LCMT1: variants seen among roughly 807,000 people sequenced by gnomAD.
LCMT1 encodes [Phosphatase 2A protein]-leucine-carboxy methyltransferase 1.
A neutral mutation model predicts 47.7 loss-of-function variants in LCMT1; 32 were observed. The ratio of observed to expected loss-of-function variants is 0.67; its 90% confidence interval spans 0.51 to 0.90. The LOEUF (loss-of-function observed/expected upper bound fraction) is 0.90. Ranked by LOEUF, LCMT1 falls within the 40% of genes least tolerant of loss-of-function variation. The pLI is 0.00. For synonymous variants in LCMT1, 152 were observed against 149.7 expected, an observed-to-expected ratio of 1.02 and a Z score of -0.11; for missense variants, 375 against 415.2, an observed-to-expected ratio of 0.90 and a Z score of 0.84.
intron 1 of LCMT1, among the ~76,000 whole-genome samples, chr16:25,118,798 C>CTAGG (rs1216806235): frequency 1.3e-5 from 2 of 151,884 alleles, no homozygotes; most frequent in African/African-American, 4.8e-5. Context: ...AGCACCAAGA[C>CTAGG]TAGGGTGAGG....
At chr16:25,115,838 C>T (rs930725782) in intron 1 of LCMT1, among the ~76,000 whole-genome samples, 7 of 152,052 alleles carry the variant, frequency 4.6e-5, no homozygotes, top group Admixed American at 1.3e-4. Flanking sequence ...CCACCACACC[C>T]GGCTAATTTT....
intron 5 of LCMT1, 110 bp downstream of exon 5, chr16:25,151,725 T>TGTG: frequency 7.5e-6 from 1 of 132,870 alleles, no homozygotes; most frequent in Non-Finnish European, 1.3e-5. Context: ...GTGTGTGTGG[T>TGTG]GTTATACAAT....
chr16:25,159,795 G>A (rs1418035923), intron 5 of LCMT1, among the ~76,000 whole-genome samples: 1 of 152,034 alleles, frequency 6.6e-6, no homozygotes, highest in Non-Finnish European at 1.5e-5. Context: ...CTTTTTTGCT[G>A]AAGTTCTCAG....
At chr16:25,177,943 G>A (rs1961999751) in intron 10 of LCMT1, 58 bp from the exon 11 acceptor site, 2 of 1,537,846 alleles carry the variant, frequency 1.3e-6, no homozygotes, top group Non-Finnish European at 1.8e-6. Context: ...GTCCTCTAGG[G>A]GCCTCTGCTC....
chr16:25,112,021 G>C, intron 1 of LCMT1, 25 bp downstream of exon 1: 2 of 1,542,348 alleles, frequency 1.3e-6, no homozygotes, highest in Non-Finnish European at 1.8e-6. Context: ...CGGGGTTCGG[G>C]GCCGGCATCT....
chr16:25,151,696 G>GGTGGGT (rs1555484246), intron 5 of LCMT1, 81 bp downstream of exon 5: 4 of 600,594 alleles, frequency 6.7e-6, no homozygotes, highest in African/African-American at 3.9e-5. Flanking sequence ...GTTTGTGTTG[G>GGTGGGT]GTGTGTGTGT....
At chr16:25,151,696 G>GGTGTGTGT (rs139504024) in intron 5 of LCMT1, 81 bp downstream of exon 5, 316,233 of 597,764 alleles carry the variant, frequency 0.53, 52,532 homozygotes, top group Admixed American at 0.64. Flanking sequence ...GTTTGTGTTG[G>GGTGTGTGT]GTGTGTGTGT....
In LCMT1 at chr16:25,119,261, G is replaced by A. The variant is rs560029529; in HGVS notation, c.113+7265G>A. On this transcript the variant is annotated intron_variant, in intron 1 of 10. Coordinates refer to ENST00000399069, the MANE Select transcript of LCMT1 (RefSeq NM_016309.3). ...GTGGCTCACTCCAAGAGGCCTCTCTGACACTCACAGACAAGATCTAGCTTC... is the reference window on the plus strand; with the variant it reads ...GTGGCTCACTCCAAGAGGCCTCTCTAACACTCACAGACAAGATCTAGCTTC... Among the ~76,000 whole-genome samples the A allele has an allele frequency of 3.9e-5, 6 of 152,128 alleles. No homozygotes were observed. In the South Asian group the frequency reaches 1.2e-3, roughly 32 times the overall value.
At chr16:25,159,286 A>G (rs1961349916) in intron 5 of LCMT1, among the ~76,000 whole-genome samples, 1 of 152,212 alleles carries the variant, frequency 6.6e-6, no homozygotes, top group African/African-American at 2.4e-5. Flanking sequence ...TTTATTTTGT[A>G]GAGACAAGGT....
At chr16:25,144,999 T>G (rs1290978874) in intron 4 of LCMT1, 1 of 152,228 alleles carries the variant, frequency 6.6e-6, no homozygotes, top group African/African-American at 2.4e-5. Context: ...AGGGCTCTCT[T>G]TCTTCCCCCT....
chr16:25,111,901 G>T lies in LCMT1; in HGVS notation c.18G>T (p.Arg6Ser), dbSNP rs1476895864. The change falls in exon 1 of 11, where the codon AGG (arginine) becomes AGT (serine). Residue 6 changes from arginine to serine, a missense_variant. Transcript: ENST00000399069. Reference protein sequence around the residue: MATRQRESSITSCCST... With the variant: MATRQSESSITSCCST... ...CCACGCCCATGGCCACTAGGCAGAG[G>T]GAATCCTCTATCACCTCCTGCTGTT... is the stretch of plus-strand genomic sequence containing the variant. 24 of 1,612,894 alleles carry T rather than the reference G, an allele frequency of 1.5e-5. No homozygotes were observed. The highest frequency in any genetic ancestry group is 2.0e-5 in the Non-Finnish European group (23 of 1,179,442).
chr16:25,176,158 A>G (rs943135654), intron 10 of LCMT1, among the ~76,000 whole-genome samples: 2 of 152,082 alleles, frequency 1.3e-5, no homozygotes, highest in Non-Finnish European at 1.5e-5. Flanking sequence ...GCGTGGATCT[A>G]TCTCTGTTTC....
chr16:25,167,832 C>T (rs1961630868), intron 7 of LCMT1, among the ~76,000 whole-genome samples: 1 of 152,094 alleles, frequency 6.6e-6, no homozygotes, highest in South Asian at 2.1e-4. Flanking sequence ...ACGATCTTGG[C>T]TCATTGCAAC....
chr16:25,167,753 CTTAT>C (rs905085151), intron 7 of LCMT1, among the ~76,000 whole-genome samples: 3 of 151,946 alleles, frequency 2.0e-5, no homozygotes, highest in African/African-American at 4.8e-5. Context: ...CATATATTAA[CTTAT>C]TTATTTATTT....
chr16:25,172,110 A>G (rs1343336105), intron 9 of LCMT1, among the ~76,000 whole-genome samples: 1 of 152,154 alleles, frequency 6.6e-6, no homozygotes, highest in Non-Finnish European at 1.5e-5. Context: ...GTTCGATACC[A>G]GCCTGGCCAA....
intron 10 of LCMT1, among the ~76,000 whole-genome samples, chr16:25,176,348 G>C (rs1236568600): frequency 6.6e-6 from 1 of 151,786 alleles, no homozygotes. Context: ...CATGACATGT[G>C]GTCACAAGCG....
chr16:25,116,863 C>T (rs1325489008), intron 1 of LCMT1, among the ~76,000 whole-genome samples: 1 of 151,774 alleles, frequency 6.6e-6, no homozygotes, highest in African/African-American at 2.4e-5. Flanking sequence ...TGCACTGCAG[C>T]CTGAGTGACA....
At chr16:25,117,867 A>G (rs1330632397) in intron 1 of LCMT1, among the ~76,000 whole-genome samples, 1 of 151,942 alleles carries the variant, frequency 6.6e-6, no homozygotes, top group Non-Finnish European at 1.5e-5. Flanking sequence ...AAAAAAAAAA[A>G]ATTTGACATC....
At chr16:25,162,294 A>G (rs572494248) in intron 6 of LCMT1, among the ~76,000 whole-genome samples, 5 of 152,274 alleles carry the variant, frequency 3.3e-5, no homozygotes, top group African/African-American at 1.2e-4. Context: ...TCTTCGGAAA[A>G]ATGTGAGTTA....
Sources: allele counts gnomAD v4.1 joint callset (sites outside exome capture counted in the v4.1 genomes callset), GRCh38; gene constraint gnomAD v4.1.1; transcripts MANE v1.5; gene names NCBI Gene and HGNC (gene_info 2026-07-23, HGNC 2026-07-21).